The following ATP10B variants were observed in gnomAD, a reference collection of about 807,000 sequenced individuals.
ATP10B encodes phospholipid-transporting ATPase VB.
Under a neutral mutation model 141.2 loss-of-function variants are expected in ATP10B, and 122 were observed. The ratio of observed to expected loss-of-function variants is 0.86; its 90% confidence interval spans 0.75 to 1.00. The LOEUF (loss-of-function observed/expected upper bound fraction) is 1.00. ATP10B is among the 50% of genes least tolerant of loss of function. The pLI is 0.00. For missense variants in ATP10B, 1,876 were observed against 1,825.3 expected (o/e 1.03, Z -0.51); for synonymous variants, 685 against 692.0 (o/e 0.99, Z 0.16).
At chr5:160,820,119 T>C (rs904972795) in intron 1 of ATP10B, among the ~76,000 whole-genome samples, 9 of 148,816 alleles carry the variant, frequency 6.0e-5, no homozygotes, top group East Asian at 2.0e-4. Context: ...ATAAACAACA[T>C]TGACCAATCT....
chr5:160,768,680 T>C (rs553312462), intron 2 of ATP10B, among the ~76,000 whole-genome samples: 69 of 152,160 alleles, frequency 4.5e-4, no homozygotes, highest in Non-Finnish European at 9.0e-4. Flanking sequence ...AACAGCATCG[T>C]AGTTTTATAG....
chr5:160,647,907 C>T (rs1250704014), intron 8 of ATP10B, among the ~76,000 whole-genome samples: 1 of 152,086 alleles, frequency 6.6e-6, no homozygotes, highest in African/African-American at 2.4e-5. Flanking sequence ...TCATTATATC[C>T]CTCATGGCCT....
At chr5:160,622,984 C>T (rs1581216221) in intron 13 of ATP10B, among the ~76,000 whole-genome samples, 1 of 152,290 alleles carries the variant, frequency 6.6e-6, no homozygotes, top group Admixed American at 6.5e-5. Context: ...TCCTGGCATT[C>T]TTGACTTCAA....
At chr5:160,756,432 T>A (rs1344105927) in intron 2 of ATP10B, among the ~76,000 whole-genome samples, 1 of 152,216 alleles carries the variant, frequency 6.6e-6, no homozygotes, top group Admixed American at 6.5e-5. Context: ...TATGTTTAAC[T>A]TTTTAAGAAG....
intron 7 of ATP10B, among the ~76,000 whole-genome samples, chr5:160,658,944 T>C (rs908780867): frequency 4.6e-5 from 7 of 152,192 alleles, no homozygotes; most frequent in African/African-American, 1.2e-4. Flanking sequence ...CCAAGAGTCT[T>C]AACTAATCCG....
In ATP10B at chr5:160,610,760, C is replaced by T. The variant is rs373934923; in HGVS notation, c.2838+1981G>A. On this transcript the variant is annotated intron_variant, in intron 18 of 25. Coordinates refer to ENST00000327245, the MANE Select transcript of ATP10B (RefSeq NM_025153.3). Reference sequence around the variant, plus strand: ...TTAATTATTAACAATATTGCAATAGCAATAATAGTGGTTTTAGTATTAGTT... The same window carrying T: ...TTAATTATTAACAATATTGCAATAGTAATAATAGTGGTTTTAGTATTAGTT... 1.8e-4 allele frequency among the ~76,000 whole-genome samples: 27 copies of T among 152,178 alleles called. 2 individuals are homozygous for T. The highest frequency in any genetic ancestry group is 1.2e-3 in the East Asian group (6 of 5,180).
intron 7 of ATP10B, among the ~76,000 whole-genome samples, chr5:160,651,973 A>G (rs1239906702): frequency 1.3e-5 from 2 of 151,998 alleles, no homozygotes; most frequent in Non-Finnish European, 2.9e-5. Context: ...TCTAAATCCA[A>G]ACTCATTTCA....
At chr5:160,689,931 G>T (rs1459124210) in intron 3 of ATP10B, among the ~76,000 whole-genome samples, 1 of 151,930 alleles carries the variant, frequency 6.6e-6, no homozygotes. Context: ...AAAGCTGGAG[G>T]CATCATGCTA....
At chr5:160,811,234 A>G (rs1458064333) in intron 1 of ATP10B, among the ~76,000 whole-genome samples, 1 of 152,208 alleles carries the variant, frequency 6.6e-6, no homozygotes, top group African/African-American at 2.4e-5. Flanking sequence ...GCTTCAGGCG[A>G]GACTCAGCAT....
At chr5:160,752,241 C>A (rs1315437204) in intron 2 of ATP10B, among the ~76,000 whole-genome samples, 2 of 143,504 alleles carry the variant, frequency 1.4e-5, no homozygotes, top group Non-Finnish European at 1.5e-5. Context: ...TAGAATCTTT[C>A]CATTTCCCTT....
At chr5:160,648,535 A>G (rs1351113115) in intron 8 of ATP10B, among the ~76,000 whole-genome samples, 2 of 152,180 alleles carry the variant, frequency 1.3e-5, no homozygotes, top group South Asian at 2.1e-4. Context: ...GAATTGCAGT[A>G]AAATGCTTAG....
At chr5:160,708,382 C>G (rs895785373) in intron 3 of ATP10B, among the ~76,000 whole-genome samples, 3 of 152,074 alleles carry the variant, frequency 2.0e-5, no homozygotes, top group African/African-American at 7.2e-5. Context: ...GAGATAACAC[C>G]CCATCTAGTG....
chr5:160,728,805 T>C (rs907386882), intron 2 of ATP10B, among the ~76,000 whole-genome samples: 5 of 140,232 alleles, frequency 3.6e-5, no homozygotes, highest in African/African-American at 5.3e-5. Context: ...CTGGCTGCTT[T>C]ATTCTCTCAG....
chr5:160,877,558 T>G, the ATP10B span, among the ~76,000 whole-genome samples: 2 of 149,870 alleles, frequency 1.3e-5, no homozygotes, highest in Non-Finnish European at 3.0e-5. Context: ...GAGAAGGAAA[T>G]AAAGGGTATT....
intron 7 of ATP10B, among the ~76,000 whole-genome samples, chr5:160,662,080 A>G (rs1352320707): frequency 6.6e-6 from 1 of 152,218 alleles, no homozygotes; most frequent in African/African-American, 2.4e-5. Flanking sequence ...TAGGAATCCA[A>G]CTTACAAGGG....
chr5:160,898,512 T>C, the ATP10B span, among the ~76,000 whole-genome samples: 2 of 152,190 alleles, frequency 1.3e-5, no homozygotes, highest in African/African-American at 4.8e-5. Context: ...CTGGAAAGTA[T>C]GTGGAGAAAT....
At position 160,634,425 on chromosome 5, in the gene ATP10B, G is replaced by A. The variant is rs1398481962; in HGVS notation, c.1310C>T (p.Thr437Ile). Residue 437 changes from threonine to isoleucine, a missense_variant, in exon 12 of 26, where the codon ACC (threonine) becomes ATC (isoleucine). By Grantham distance (89) the Thr-to-Ile change is moderately conservative. Transcript: ENST00000327245. ...IQYIFSDKTGTLTENKMVFRR... is the reference protein window; with the variant it reads ...IQYIFSDKTGILTENKMVFRR... ...GAACACCATCTTGTTCTCTGTCAGGGTCCCCGTCTTATCGGAGAAGATGTA... is the reference window on the plus strand; with the variant it reads ...GAACACCATCTTGTTCTCTGTCAGGATCCCCGTCTTATCGGAGAAGATGTA... The A allele has an allele frequency of 1.2e-6, 2 of 1,614,040 alleles. No individual in the cohort carries two copies. Among genetic ancestry groups the A allele is most frequent in the African/African-American group, 2.7e-5 (2 of 74,914 alleles).
At chr5:160,733,266 T>C (rs931163152) in intron 2 of ATP10B, among the ~76,000 whole-genome samples, 82 of 152,214 alleles carry the variant, frequency 5.4e-4, no homozygotes, top group African/African-American at 1.9e-3. Context: ...TTGTTACCAA[T>C]GTATGATGTG....
chr5:160,805,866 G>A (rs560946704), intron 1 of ATP10B, among the ~76,000 whole-genome samples: 1 of 152,208 alleles, frequency 6.6e-6, no homozygotes, highest in African/African-American at 2.4e-5. Context: ...TAAGGAATCG[G>A]CTCACACAAT....
Sources: gnomAD v4.1 joint callset for allele counts (sites outside exome capture counted in the v4.1 genomes callset) on GRCh38, gnomAD v4.1.1 for gene constraint, MANE v1.5 for transcripts, NCBI Gene and HGNC (gene_info 2026-07-23, HGNC 2026-07-21) for gene names.